The following SMC3 variants were observed in gnomAD, a reference collection of about 807,000 sequenced individuals.
SMC3 encodes the protein structural maintenance of chromosomes 3, also known as structural maintenance of chromosomes protein 3.
In SMC3, 20 loss-of-function variants were observed where a neutral mutation model predicts 171.8. The ratio of observed to expected loss-of-function variants is 0.12; its 90% confidence interval spans 0.08 to 0.17. The LOEUF is 0.17. Ranked by LOEUF, SMC3 falls within the 10% of genes least tolerant of loss-of-function variation. The pLI, the probability that SMC3 is intolerant of heterozygous loss-of-function variation, is 1.00. For synonymous variants in SMC3, 464 were observed against 451.1 expected, an observed-to-expected ratio of 1.03 and a Z score of -0.36; for missense variants, 543 against 1,420.4, an observed-to-expected ratio of 0.38 and a Z score of 9.93.
Position 110,601,111 on chromosome 10 carries a change from C to T in SMC3, c.2625C>T (p.Asp875=). 1 of 1,613,012 alleles carries T rather than the reference C, an allele frequency of 6.2e-7. No individual in the cohort carries two copies. ...ELEAINKRVK[D]TMARSEDLDN... is the part of the protein sequence containing the mutation. ...AAGCCATCAATAAAAGAGTAAAAGA[C>T]ACTATGGCACGATCAGAAGGTGAAT... Residue 875 remains aspartate (D), a synonymous_variant, in exon 23 of 29, where the codon GAC becomes GAT. Transcript: ENST00000361804.
At chr10:110,603,371 G>A (rs757475244) in intron 28 of SMC3, 81 bp downstream of exon 28, 5 of 914,282 alleles carry the variant, frequency 5.5e-6, no homozygotes, top group Non-Finnish European at 8.6e-6. Flanking sequence ...TACTTAAATA[G>A]TGAAAGAAAA....
rs1860825918 is a variant in SMC3 at position 110,568,994 on chromosome 10, T to G, written c.72T>G (p.Ser24Arg). The G allele has an allele frequency of 6.2e-7, 1 of 1,603,446 alleles. No homozygotes were observed. The highest frequency in any genetic ancestry group is 8.5e-7 in the Non-Finnish European group (1 of 1,170,444). Residue 24 changes from serine (S) to arginine (R), a missense_variant, in exon 2 of 29, where the codon AGT becomes AGG. Around this residue, in one of 8 missense-constraint regions of SMC3, gnomAD observed 146 missense variants for 437.9 expected, o/e 0.33. Coordinates refer to ENST00000361804, the MANE Select transcript of SMC3 (RefSeq NM_005445.4). The stretch of plus-strand genomic sequence containing the variant: ...ATCAAACAATTGTAGATCCCTTCAG[T>G]TCAAAACATAATGTGATTGGTAAGT... ...YRDQTIVDPFSSKHNVIVGRN... is the reference protein window; with the variant it reads ...YRDQTIVDPFRSKHNVIVGRN...
At chr10:110,599,921 A>G (rs759981814) in intron 21 of SMC3, 109 bp downstream of exon 21, 103 of 1,061,718 alleles carry the variant, frequency 9.7e-5, no homozygotes, top group Non-Finnish European at 1.4e-4. Flanking sequence ...AGAAAATATT[A>G]AAATGAGGCT....
intron 3 of SMC3, among the ~76,000 whole-genome samples, chr10:110,574,571 T>C (rs528628935): frequency 1.9e-4 from 29 of 152,346 alleles, no homozygotes; most frequent in African/African-American, 6.7e-4. Flanking sequence ...GAGAATGGAC[T>C]GAAGTGGAAG....
chr10:110,578,645 ACCT>A lies in SMC3; in HGVS notation c.372_374del (p.Leu125del), dbSNP rs1253153779. ...GTCAACAGGAAAAATGATGTGATGAACCTCCTTGAAAGCGCTGGTTTTTCTCGA... is the reference window on the plus strand; with the variant it reads ...GTCAACAGGAAAAATGATGTGATGAACCTTGAAAGCGCTGGTTTTTCTCGA... On this transcript the variant is annotated inframe_deletion, in exon 7 of 29. Coordinates refer to ENST00000361804, the MANE Select transcript of SMC3 (RefSeq NM_005445.4). The A allele has an allele frequency of 6.2e-7, 1 of 1,609,432 alleles. No individual in the cohort carries two copies. The highest frequency in any genetic ancestry group is 8.5e-7 in the Non-Finnish European group (1 of 1,177,088).
At chr10:110,584,015 T>C in intron 12 of SMC3, 53 bp downstream of exon 12, 6 of 1,602,672 alleles carry the variant, frequency 3.7e-6, no homozygotes, top group Non-Finnish European at 5.1e-6. Flanking sequence ...TATGTAAAAC[T>C]AGGTTGTCCG....
intron 8 of SMC3, 40 bp from the exon 9 acceptor site, chr10:110,581,883 C>T (rs1448713913): frequency 1.3e-6 from 2 of 1,517,292 alleles, no homozygotes; most frequent in African/African-American, 2.7e-5. Context: ...ACATAAAAAT[C>T]TTATTCAATT....
chr10:110,591,015 A>G lies in SMC3; in HGVS notation c.1695A>G (p.Ser565=), dbSNP rs1403572901. The G allele has an allele frequency of 1.2e-6, 2 of 1,612,944 alleles. No individual in the cohort carries two copies. The highest frequency in any genetic ancestry group is 2.2e-5 in the South Asian group (2 of 91,042). ...GGTTATTTTATCACATTGTTGATTC[A>G]GATGAAGTCAGCACGAAGATTTTAA... is the stretch of plus-strand genomic sequence containing the variant. ...GNRLFYHIVD[S]DEVSTKILME... Residue 565 remains serine, a synonymous_variant, in exon 17 of 29, where the codon TCA becomes TCG. Coordinates refer to ENST00000361804, the MANE Select transcript of SMC3 (RefSeq NM_005445.4).
intron 3 of SMC3, 44 bp downstream of exon 3, chr10:110,573,789 A>G (rs370948585): frequency 5.8e-6 from 7 of 1,201,834 alleles, no homozygotes; most frequent in Non-Finnish European, 8.7e-6. Context: ...AGACCTGGGT[A>G]TCTTAGGGTA....
chr10:110,595,199 C>T (rs1403791799), intron 18 of SMC3, among the ~76,000 whole-genome samples: 1 of 151,952 alleles, frequency 6.6e-6, no homozygotes, highest in African/African-American at 2.4e-5. Context: ...AGGCTGGTCT[C>T]GAACTCCTGA....
chr10:110,575,517 C>A, intron 4 of SMC3, 114 bp downstream of exon 4: 1 of 803,598 alleles, frequency 1.2e-6, no homozygotes, highest in South Asian at 1.5e-5. Flanking sequence ...GAACAAGACA[C>A]AATCTTTCTC....
intron 22 of SMC3, 96 bp downstream of exon 22, chr10:110,600,642 C>A: frequency 1.3e-6 from 1 of 744,500 alleles, no homozygotes; most frequent in East Asian, 2.6e-5. Flanking sequence ...AAAGCATGGG[C>A]TTTGGGGACA....
intron 17 of SMC3, among the ~76,000 whole-genome samples, chr10:110,592,410 C>T (rs1443048848): frequency 1.3e-5 from 2 of 152,126 alleles, no homozygotes; most frequent in African/African-American, 4.8e-5. Flanking sequence ...GGGGTGTCAG[C>T]AGTGCTCTGT....
At chr10:110,596,696 C>A in intron 19 of SMC3, 146 bp downstream of exon 19, 1 of 743,390 alleles carries the variant, frequency 1.3e-6, no homozygotes, top group Non-Finnish European at 2.1e-6. Context: ...CTTTTGAAGA[C>A]TAAAAGCTAT....
rs1861062802 is a variant in SMC3, at chr10:110,583,508, A to G, written c.929A>G (p.Lys310Arg). ...KQRTKLELKA[K>R]DLQDELAGNS... ...AGGACTAAGTTGGAGCTTAAAGCCA[A>G]GGATTTACAAGATGAACTAGCAGGC... is the stretch of plus-strand genomic sequence containing the variant. The change falls in exon 11 of 29, where the codon AAG becomes AGG. Residue 310 changes from lysine to arginine, a missense_variant. This residue lies in a region of SMC3 where 146 missense variants were observed against 437.9 expected (regional missense o/e 0.33). Coordinates refer to ENST00000361804, the MANE Select transcript of SMC3 (RefSeq NM_005445.4). The G allele has an allele frequency of 6.2e-7, 1 of 1,614,142 alleles. No individual in the cohort carries two copies. Among genetic ancestry groups the G allele is most frequent in the Non-Finnish European group, 8.5e-7 (1 of 1,179,994 alleles).
intron 23 of SMC3, 103 bp from the exon 24 acceptor site, chr10:110,601,534 A>AC: frequency 7.8e-7 from 1 of 1,277,356 alleles, no homozygotes; most frequent in Non-Finnish European, 1.1e-6. Context: ...TAAACACAAA[A>AC]CCTAAAACCT....
chr10:110,598,366 G>A, intron 20 of SMC3, 76 bp downstream of exon 20: 1 of 1,409,582 alleles, frequency 7.1e-7, no homozygotes, highest in Non-Finnish European at 1.0e-6. Flanking sequence ...TACATTATAT[G>A]GGTTATCCTT....
At chr10:110,577,988 G>A in intron 6 of SMC3, 74 bp downstream of exon 6, 1 of 1,045,930 alleles carries the variant, frequency 9.6e-7, no homozygotes, top group East Asian at 2.4e-5. Flanking sequence ...GTGTTGGCCA[G>A]GTTGGTCTCG....
In SMC3 at chr10:110,604,855, T is replaced by G. The variant is rs936407994; in HGVS notation, c.*553T>G. Among the ~76,000 whole-genome samples, 1 of 152,196 alleles carries G rather than the reference T, an allele frequency of 6.6e-6. No homozygotes were observed. Among genetic ancestry groups the G allele is most frequent in the South Asian group, 2.1e-4 (1 of 4,832 alleles). ...CATGGTATATTTATCATTGATACAT[T>G]ACTATCAACTAAGCTCAAGATTTTA... On this transcript the variant is annotated 3_prime_UTR_variant, in exon 29 of 29. Transcript: ENST00000361804.
Sources: allele counts gnomAD v4.1 joint callset (sites outside exome capture counted in the v4.1 genomes callset), GRCh38; gene constraint gnomAD v4.1.1; regional missense constraint gnomAD v4.1.1; transcripts MANE v1.5; gene names NCBI Gene and HGNC (gene_info 2026-07-23, HGNC 2026-07-21).